Variants in GRM8 observed in about 807,000 individuals in gnomAD.
The protein encoded by GRM8 is glutamate metabotropic receptor 8.
GRM8 carries 47 observed loss-of-function variants against 87.2 expected under a neutral mutation model. The observed-to-expected ratio is 0.54, with a 90% CI of 0.43 to 0.69. The LOEUF is 0.69. Among genes scored for constraint, GRM8 ranks in the 30% least tolerant of loss-of-function variants. GRM8 has a pLI of 0.00. For missense variants in GRM8, 1,019 were observed against 1,139.2 expected (o/e 0.89, Z 1.52); for synonymous variants, 396 against 404.5 (o/e 0.98, Z 0.25).
intron 2 of GRM8, among the ~76,000 whole-genome samples, chr7:127,220,447 A>G (rs1796848438): frequency 6.6e-6 from 1 of 152,192 alleles, no homozygotes; most frequent in Non-Finnish European, 1.5e-5. Context: ...ACAGAATACA[A>G]AAAGCTGAAG....
intron 6 of GRM8, among the ~76,000 whole-genome samples, chr7:126,851,368 T>G (rs1182358426): frequency 6.6e-6 from 1 of 152,122 alleles, no homozygotes; most frequent in African/African-American, 2.4e-5. Flanking sequence ...CTTAAGTCGA[T>G]TCTCAACTCA....
intron 3 of GRM8, among the ~76,000 whole-genome samples, chr7:127,007,218 G>A (rs1229425286): frequency 6.6e-6 from 1 of 151,876 alleles, no homozygotes; most frequent in African/African-American, 2.4e-5. Context: ...GGTTGGCATG[G>A]TAGATACAGT....
chr7:127,121,988 T>A (rs1269506109), intron 2 of GRM8, among the ~76,000 whole-genome samples: 1 of 152,204 alleles, frequency 6.6e-6, no homozygotes, highest in African/African-American at 2.4e-5. Flanking sequence ...TGAATGTGGC[T>A]CAGTGTCAGA....
intron 7 of GRM8, among the ~76,000 whole-genome samples, chr7:126,663,007 C>T (rs138064285): frequency 1.4e-3 from 207 of 152,346 alleles, no homozygotes; most frequent in African/African-American, 4.8e-3. Context: ...GCCATGTTCA[C>T]TTATGGGCGA....
intron 6 of GRM8, among the ~76,000 whole-genome samples, chr7:126,805,951 G>A (rs141113794): frequency 7.8e-4 from 119 of 152,232 alleles, no homozygotes; most frequent in African/African-American, 2.9e-3. Context: ...AAAACTGGAC[G>A]AGGTCTTTTT....
intron 3 of GRM8, among the ~76,000 whole-genome samples, chr7:127,073,877 G>T (rs1477178804): frequency 3.3e-5 from 5 of 152,128 alleles, no homozygotes; most frequent in East Asian, 1.9e-4. Flanking sequence ...TGAGTCATTG[G>T]CTCTTAAATA....
At chr7:127,165,201 T>G (rs1793380600) in intron 2 of GRM8, among the ~76,000 whole-genome samples, 1 of 130,662 alleles carries the variant, frequency 7.7e-6, no homozygotes. Flanking sequence ...TATTCAGGTT[T>G]CAACTAGTGC....
chr7:126,744,677 T>G (rs60001799), intron 7 of GRM8, among the ~76,000 whole-genome samples: 4,251 of 152,064 alleles, frequency 0.028, 221 homozygotes, highest in African/African-American at 0.097. Context: ...CAAACAATAT[T>G]TGTCAGATTT....
At chr7:126,918,138 T>C (rs575763922) in intron 3 of GRM8, among the ~76,000 whole-genome samples, 1 of 152,298 alleles carries the variant, frequency 6.6e-6, no homozygotes, top group East Asian at 1.9e-4. Context: ...GAAAATGGAA[T>C]TTGGCAACTG....
chr7:126,895,428 C>T (rs1563291611), intron 6 of GRM8, among the ~76,000 whole-genome samples: 1 of 152,058 alleles, frequency 6.6e-6, no homozygotes, highest in Non-Finnish European at 1.5e-5. Context: ...TGGAACTCAT[C>T]AGAAATGCAG....
chr7:126,444,321 T>C (rs1801766685), intron 10 of GRM8, among the ~76,000 whole-genome samples: 1 of 152,216 alleles, frequency 6.6e-6, no homozygotes, highest in African/African-American at 2.4e-5. Flanking sequence ...AGAGCCGAAA[T>C]AGGTTTATCA....
chr7:126,836,970 A>C (rs1200069612), intron 6 of GRM8, among the ~76,000 whole-genome samples: 2 of 152,154 alleles, frequency 1.3e-5, no homozygotes, highest in Non-Finnish European at 2.9e-5. Context: ...CTTATCTATA[A>C]ATATGGGCAT....
chr7:126,513,401 T>TA (rs1158733188), intron 9 of GRM8, among the ~76,000 whole-genome samples: 1 of 152,120 alleles, frequency 6.6e-6, no homozygotes, highest in Non-Finnish European at 1.5e-5. Context: ...AAACTCAGGA[T>TA]AGTTAAACTA....
rs17869765 is a variant in GRM8 at position 126,977,052 on chromosome 7, C to T, written c.728-72369G>A. On this transcript the variant is annotated intron_variant, in intron 3 of 10. Coordinates refer to ENST00000339582, the MANE Select transcript of GRM8 (RefSeq NM_000845.3). ...TGACTTATTAGCATACACCTTGCTG[C>T]AAGGGTTTTATTTTTACTGAGGGAT... 2.1e-3 allele frequency among the ~76,000 whole-genome samples: 327 copies of T among 152,220 alleles called. 1 individual carries two copies. The highest frequency in any genetic ancestry group is 7.7e-3 in the African/African-American group (318 of 41,536).
In GRM8 at chr7:126,933,589, G is replaced by A. The variant is rs191215843; in HGVS notation, c.728-28906C>T. On this transcript the variant is annotated intron_variant, in intron 3 of 10. Transcript: ENST00000339582. ...GTCAATAACTCTGGACATACCGGCT[G>A]ATAATGTAGGAGGACAGTGGGGAAG... Among the ~76,000 whole-genome samples the A allele has an allele frequency of 4.3e-3, 659 of 152,326 alleles. 4 individuals carry two copies. Among genetic ancestry groups the A allele is most frequent in the Middle Eastern group, 0.01 (3 of 294 alleles).
intron 9 of GRM8, among the ~76,000 whole-genome samples, chr7:126,496,970 A>ATTTTTTTTTTTTT (rs71177562): frequency 7.0e-6 from 1 of 143,010 alleles, no homozygotes. Context: ...TGAGTTTTGG[A>ATTTTTTTTTTTTT]TTTTTTTTTT....
intron 3 of GRM8, among the ~76,000 whole-genome samples, chr7:126,923,586 A>T (rs1323484740): frequency 6.6e-6 from 1 of 152,186 alleles, no homozygotes; most frequent in East Asian, 1.9e-4. Flanking sequence ...AAGCACTTCA[A>T]GGGCCACAAG....
At chr7:126,859,963 C>A (rs914190918) in intron 6 of GRM8, among the ~76,000 whole-genome samples, 39 of 151,858 alleles carry the variant, frequency 2.6e-4, no homozygotes, top group Admixed American at 2.6e-3. Flanking sequence ...CTCTGCAATG[C>A]AAGTTCTGAG....
Position 126,687,036 on chromosome 7 carries a change from C to G in GRM8, c.1358-77538G>C, listed in dbSNP as rs140913020. On this transcript the variant is annotated intron_variant, in intron 7 of 10. Transcript: ENST00000339582. The stretch of plus-strand genomic sequence containing the variant: ...TAAAATATAAAATACAATACATACA[C>G]AGAAAACTGAATAAAACCAAACCAC... Among the ~76,000 whole-genome samples the G allele has an allele frequency of 3.2e-4, 48 of 152,298 alleles. No individual in the cohort carries two copies. In the East Asian group the frequency reaches 8.5e-3, roughly 27 times the overall value.
Sources: gnomAD v4.1 joint callset for allele counts (sites outside exome capture counted in the v4.1 genomes callset) on GRCh38, gnomAD v4.1.1 for gene constraint, MANE v1.5 for transcripts, NCBI Gene and HGNC (gene_info 2026-07-23, HGNC 2026-07-21) for gene names.